Variants in MCF2L observed in about 807,000 individuals in gnomAD.
MCF2L encodes guanine nucleotide exchange factor DBS.
Under a neutral mutation model 153.4 loss-of-function variants are expected in MCF2L, and 97 were observed. The ratio of observed to expected loss-of-function variants is 0.63; its 90% CI spans 0.54 to 0.75. The LOEUF (loss-of-function observed/expected upper bound fraction) is 0.75. Ranked by LOEUF, MCF2L falls within the 30% of genes least tolerant of loss-of-function variation. The pLI is 0.00. For synonymous variants in MCF2L, 659 were observed against 632.2 expected (o/e 1.04, Z -0.64); for missense variants, 1,347 against 1,495.2 (o/e 0.90, Z 1.64).
In MCF2L at chr13:113,085,066, A is replaced by G. The variant is rs376203484; in HGVS notation, c.2155-20A>G. On this transcript the variant is annotated intron_variant, in intron 19 of 29. Transcript: ENST00000535094. Reference sequence around the variant, plus strand: ...GAATAATGAAAATTGTGCAAACCAAAGGCTCTGGGTTGGTTCCAGGAATGC... The same window carrying G: ...GAATAATGAAAATTGTGCAAACCAAGGGCTCTGGGTTGGTTCCAGGAATGC... 6.2e-7 allele frequency: 1 copy of G among 1,613,166 alleles called. No individual in the cohort carries two copies. The highest frequency in any genetic ancestry group is 8.5e-7 in the Non-Finnish European group (1 of 1,179,444).
chr13:112,995,609 G>T (rs1056817360), intron 1 of MCF2L, among the ~76,000 whole-genome samples: 1 of 152,208 alleles, frequency 6.6e-6, no homozygotes, highest in South Asian at 2.1e-4. Context: ...CTGGCCTGAA[G>T]TCACCCCCGG....
chr13:113,096,439 C>T lies in MCF2L; in HGVS notation c.3144C>T (p.Ser1048=). 1 of 1,594,480 alleles carries T rather than the reference C, an allele frequency of 6.3e-7. No individual in the cohort carries two copies. The highest frequency in any genetic ancestry group is 8.5e-7 in the Non-Finnish European group (1 of 1,171,836). ...GCCCCGATGCGCTGCGCGTGAGGAG[C>T]GGGGACGTGGTGGAGCTGGTGCAGG... ...KGGPDALRVR[S]GDVVELVQEG... Residue 1048 remains serine, a synonymous_variant, in exon 28 of 30, where the codon AGC becomes AGT. Coordinates refer to ENST00000535094, the MANE Select transcript of MCF2L (RefSeq NM_001112732.3).
At chr13:113,042,202 C>A (rs1217836502) in intron 3 of MCF2L, 2 of 152,268 alleles carry the variant, frequency 1.3e-5, no homozygotes, top group African/African-American at 4.8e-5. Context: ...CATGCCCGCA[C>A]CCACGATGGT....
chr13:113,057,402 GT>G (rs1287764163), intron 4 of MCF2L, among the ~76,000 whole-genome samples: 1 of 149,754 alleles, frequency 6.7e-6, no homozygotes, highest in South Asian at 2.2e-4. Flanking sequence ...GGTGCTGAGT[GT>G]TTAGGTGCTG....
rs565531532 is a variant in MCF2L at position 112,957,730 on chromosome 13, A to C, written c.169+55359A>C. The C allele has an allele frequency of 3.3e-5, 5 of 152,244 alleles. No individual in the cohort carries two copies. In the East Asian group the frequency reaches 7.7e-4, roughly 24 times the overall value. 9.4% of individuals were successfully genotyped at this position (152,244 alleles called of 1,614,324 possible). ...TTCATGGGTTTTTATAACTTAAGTTACCTCTAACCTATGACCCTTGTAGTC... is the reference window on the plus strand; with the variant it reads ...TTCATGGGTTTTTATAACTTAAGTTCCCTCTAACCTATGACCCTTGTAGTC... On this transcript the variant is annotated intron_variant, in intron 2 of 29. Coordinates refer to the MCF2L transcript ENST00000375608.
rs1488866683 is a variant in MCF2L, at chr13:113,088,498, C to T, written c.2768-64C>T. ...AGCAACCGCACAGTCCCCCCATGCG[C>T]AAGGTGCCTCGGCGTTGAAGTAAAG... is the stretch of plus-strand genomic sequence containing the variant. On this transcript the variant is annotated intron_variant, in intron 24 of 29. Coordinates refer to ENST00000535094, the MANE Select transcript of MCF2L (RefSeq NM_001112732.3). 3.1e-6 allele frequency: 5 copies of T among 1,605,972 alleles called. No homozygotes were observed. The South Asian group carries it at 3.3e-5, about 11-fold the overall frequency.
At chr13:113,090,726 G>T in intron 26 of MCF2L, 1 of 985,490 alleles carries the variant, frequency 1.0e-6, no homozygotes, top group African/African-American at 1.7e-5. Context: ...GAAGGCCAGC[G>T]TGGACAAGGG....
chr13:112,982,649 GA>G (rs1214569491), intron 1 of MCF2L, among the ~76,000 whole-genome samples: 1 of 152,208 alleles, frequency 6.6e-6, no homozygotes, highest in East Asian at 1.9e-4. Flanking sequence ...CGTGCTGTGG[GA>G]GGGGGGAGAC....
intron 1 of MCF2L, among the ~76,000 whole-genome samples, chr13:112,984,656 G>A (rs931536155): frequency 6.6e-6 from 1 of 152,194 alleles, no homozygotes; most frequent in African/African-American, 2.4e-5. Context: ...TGATCTCAGC[G>A]GAATTCCCCT....
chr13:113,015,279 G>A (rs2084433459), intron 2 of MCF2L, among the ~76,000 whole-genome samples: 1 of 152,238 alleles, frequency 6.6e-6, no homozygotes, highest in African/African-American at 2.4e-5. Context: ...CTGCAGCCAT[G>A]GGGACATAAT....
At chr13:113,044,487 T>C (rs931053224) in intron 3 of MCF2L, 6 of 714,866 alleles carry the variant, frequency 8.4e-6, no homozygotes, top group Non-Finnish European at 1.4e-5. Flanking sequence ...CTAGGACATG[T>C]TCAGAGACTT....
In MCF2L at chr13:112,991,988, G is replaced by C. The variant is rs909722948; in HGVS notation, c.79+22530G>C. 4.6e-5 allele frequency among the ~76,000 whole-genome samples: 7 copies of C among 152,180 alleles called. No individual in the cohort carries two copies. The East Asian group carries it at 1.3e-3, about 29-fold the overall frequency. ...AAGTATTCCCTTTTTATTACAGGTT[G>C]AGTGCCCCAATTAGAAAATCCAAAA... On this transcript the variant is annotated intron_variant, in intron 1 of 29. Transcript: ENST00000535094.
Position 113,084,046 on chromosome 13 carries a change from T to C in MCF2L, c.2040T>C (p.Val680=), listed in dbSNP as rs1201329268. Residue 680 remains valine (V), a synonymous_variant, in exon 18 of 30, where the codon GTT becomes GTC. Coordinates refer to ENST00000535094, the MANE Select transcript of MCF2L (RefSeq NM_001112732.3). The part of the protein sequence containing the change: ...LENYTDCPEL[V]GRCFLERMED... ...ACTACACTGACTGCCCAGAACTGGT[T>C]GGAAGATGCTTTCTGGAGAGGGTAG... 2.5e-6 allele frequency: 4 copies of C among 1,613,926 alleles called. No homozygotes were observed. The highest frequency in any genetic ancestry group is 3.4e-6 in the Non-Finnish European group (4 of 1,179,906).
chr13:112,940,721 CAT>C (rs2081567448), intron 2 of MCF2L, among the ~76,000 whole-genome samples: 1 of 152,152 alleles, frequency 6.6e-6, no homozygotes, highest in African/African-American at 2.4e-5. Context: ...TTATTATAAA[CAT>C]AAATATAGCT....
At chr13:112,913,236 T>C (rs1566633363) in intron 2 of MCF2L, among the ~76,000 whole-genome samples, 1 of 143,384 alleles carries the variant, frequency 7.0e-6, no homozygotes, top group African/African-American at 2.6e-5. Context: ...CTGTGTGTGA[T>C]TGTGTGTGTG....
chr13:113,035,324 G>C lies in MCF2L; in HGVS notation c.279-9947G>C, dbSNP rs771440229. On this transcript the variant is annotated intron_variant, in intron 3 of 29. Transcript: ENST00000535094. The surrounding 1 kb of genome is among the most constrained non-coding windows in gnomAD (Gnocchi z 4.4). ...GGCCTGTCTGTAAACCCTAATAAAT[G>C]ACCCTACTCAGGTAAGACGTCCTGA... 3.9e-5 allele frequency among the ~76,000 whole-genome samples: 6 copies of C among 152,160 alleles called. No individual in the cohort carries two copies. Among genetic ancestry groups the C allele is most frequent in the Non-Finnish European group, 8.8e-5 (6 of 68,044 alleles).
At chr13:112,931,372 G>A (rs1259209004) in intron 2 of MCF2L, among the ~76,000 whole-genome samples, 1 of 152,226 alleles carries the variant, frequency 6.6e-6, no homozygotes, top group African/African-American at 2.4e-5. Context: ...CAGTGCTGAC[G>A]CTGCTCTGCC....
intron 2 of MCF2L, among the ~76,000 whole-genome samples, chr13:112,910,941 G>A (rs1181747441): frequency 1.4e-5 from 2 of 147,754 alleles, no homozygotes; most frequent in Non-Finnish European, 3.0e-5. Context: ...AAACAGCTGC[G>A]TGTAAATGAA....
In MCF2L at chr13:113,070,038, T is replaced by C. The variant is rs200887658; in HGVS notation, c.882-21T>C. On this transcript the variant is annotated intron_variant, in intron 8 of 29. Coordinates refer to ENST00000535094, the MANE Select transcript of MCF2L (RefSeq NM_001112732.3). The surrounding 1 kb of genome is among the most constrained non-coding windows in gnomAD (Gnocchi z 5.6). ...GGGGCGCCGTGGGCCACACAGACGG[T>C]CAACTCCTCCTCTTTCCCAGGCTCC... is the stretch of plus-strand genomic sequence containing the variant. 5.0e-4 allele frequency: 791 copies of C among 1,585,982 alleles called. 7 individuals carry two copies. The African/African-American group carries it at 9.9e-3, about 20-fold the overall frequency.
Sources: allele counts gnomAD v4.1 joint callset (sites outside exome capture counted in the v4.1 genomes callset), GRCh38; gene constraint gnomAD v4.1.1; non-coding constraint Gnocchi (gnomAD v3.1); transcripts MANE v1.5; gene names NCBI Gene and HGNC (gene_info 2026-07-23, HGNC 2026-07-21).